ANKRD33B: variants seen among roughly 807,000 people sequenced by gnomAD.
ANKRD33B encodes the protein ankyrin repeat domain-containing protein 33B.
Under a neutral mutation model 21.5 loss-of-function variants are expected in ANKRD33B, and 6 were observed. That is an observed-to-expected ratio of 0.28 (90% CI 0.15 to 0.55). ANKRD33B has a LOEUF of 0.55. ANKRD33B is among the 20% of genes least tolerant of loss of function. The probability of loss-of-function intolerance (pLI) is 0.94; values close to 1 mark genes in which losing one functional copy is unlikely to be tolerated. For synonymous variants in ANKRD33B, 347 were observed against 342.4 expected, an observed-to-expected ratio of 1.01 and a Z score of -0.15; for missense variants, 698 against 747.2, an observed-to-expected ratio of 0.93 and a Z score of 0.77.
intron 3 of ANKRD33B, among the ~76,000 whole-genome samples, chr5:10,643,538 G>A (rs1459241089): frequency 1.4e-4 from 22 of 152,202 alleles, no homozygotes; most frequent in Admixed American, 1.2e-3. Context: ...CATCTTGGCC[G>A]GGCATGGTGG....
rs1404783134 is a variant in ANKRD33B at position 10,564,699 on chromosome 5, GGCGTCCCGGAAA to G, written c.243_254del (p.Ser82_Glu85del). The G allele has an allele frequency of 2.0e-6, 3 of 1,533,598 alleles. No homozygotes were observed. Among genetic ancestry groups the G allele is most frequent in the East Asian group, 2.4e-5 (1 of 40,850 alleles). The allele number at this position is 1,533,598 out of a possible 1,614,324, so 95.0% of individuals were successfully genotyped here. A position where few individuals can be genotyped will look rare whatever the true frequency, so the allele number is the denominator to read the frequency against. The stretch of plus-strand genomic sequence containing the variant: ...CGAGAGCGCGGAGAGCGTCCCGGAG[GGCGTCCCGGAAA>G]GCGTCCCGGAGACGGCGACCCTCCT... On this transcript the variant is annotated inframe_deletion, in exon 1 of 4. Coordinates refer to ENST00000296657, the MANE Select transcript of ANKRD33B (RefSeq NM_001164440.2).
At chr5:10,597,914 G>GT (rs548506427) in intron 1 of ANKRD33B, among the ~76,000 whole-genome samples, 8 of 152,122 alleles carry the variant, frequency 5.3e-5, no homozygotes, top group African/African-American at 7.2e-5. Context: ...ACATACATGT[G>GT]TTTTTTTCTT....
intron 1 of ANKRD33B, among the ~76,000 whole-genome samples, chr5:10,592,768 G>T (rs1183934325): frequency 1.3e-5 from 2 of 152,124 alleles, no homozygotes; most frequent in Non-Finnish European, 2.9e-5. Context: ...TCATCTGGCA[G>T]TCCCCTCCCT....
chr5:10,573,257 A>C (rs1579709424), intron 1 of ANKRD33B, among the ~76,000 whole-genome samples: 1 of 152,112 alleles, frequency 6.6e-6, no homozygotes, highest in Non-Finnish European at 1.5e-5. Flanking sequence ...TAACGAGGTC[A>C]GGAAATGGAG....
At position 10,581,430 on chromosome 5, in the gene ANKRD33B, G is replaced by A. The variant is rs78051169; in HGVS notation, c.366+16597G>A. On this transcript the variant is annotated intron_variant, in intron 1 of 3. Transcript: ENST00000296657. ...CCGTGGCTCCTAGGAACTGCTCTGCGTCTGGGATCCTCTACCCTGGATCCG... is the reference window on the plus strand; with the variant it reads ...CCGTGGCTCCTAGGAACTGCTCTGCATCTGGGATCCTCTACCCTGGATCCG... Among the ~76,000 whole-genome samples, 1,172 of 152,328 alleles carry A rather than the reference G, an allele frequency of 7.7e-3. 11 individuals carry two copies. Among genetic ancestry groups the A allele is most frequent in the Non-Finnish European group, 0.013 (867 of 68,026 alleles).
chr5:10,584,726 G>C (rs367896926), intron 1 of ANKRD33B, among the ~76,000 whole-genome samples: 1 of 152,204 alleles, frequency 6.6e-6, no homozygotes, highest in South Asian at 2.1e-4. Context: ...CAGAAATGGA[G>C]ATTGCTGCTG....
intron 1 of ANKRD33B, among the ~76,000 whole-genome samples, chr5:10,570,609 G>C (rs1024783557): frequency 6.6e-6 from 1 of 152,088 alleles, no homozygotes; most frequent in Admixed American, 6.6e-5. Flanking sequence ...CCAGGCTGGA[G>C]TACAGTGGCA....
intron 2 of ANKRD33B, among the ~76,000 whole-genome samples, chr5:10,623,101 G>GC (rs1488476907): frequency 1.3e-5 from 2 of 152,136 alleles, no homozygotes; most frequent in Non-Finnish European, 2.9e-5. Context: ...CCAAGGAGCA[G>GC]CCCCCACCCT....
At chr5:10,615,749 T>G (rs1736269903) in intron 1 of ANKRD33B, among the ~76,000 whole-genome samples, 1 of 152,258 alleles carries the variant, frequency 6.6e-6, no homozygotes, top group Non-Finnish European at 1.5e-5. Flanking sequence ...TATGTTTTAT[T>G]TATAAGTCAG....
chr5:10,565,500 G>A (rs999487438), intron 1 of ANKRD33B, among the ~76,000 whole-genome samples: 18 of 152,370 alleles, frequency 1.2e-4, no homozygotes, highest in Admixed American at 7.8e-4. Flanking sequence ...GCCAGCCGGG[G>A]CTCCCCAGAG....
chr5:10,650,414 C>G lies in ANKRD33B; in HGVS notation c.*301C>G, dbSNP rs1737323188. 4.6e-6 allele frequency: 1 copy of G among 219,466 alleles called. No homozygotes were observed. The highest frequency in any genetic ancestry group is 2.3e-5 in the African/African-American group (1 of 43,660). 13.6% of individuals were successfully genotyped at this position (219,466 alleles called of 1,614,324 possible). A position where few individuals can be genotyped will look rare whatever the true frequency, so the allele number is the denominator to read the frequency against. On this transcript the variant is annotated 3_prime_UTR_variant, in exon 4 of 4. Transcript: ENST00000296657. Reference sequence around the variant, plus strand: ...TTTTAAAGATCAATTTATCAAAGGGCGTTTTCTCCGTAATTTTGTATTTTT... The same window carrying G: ...TTTTAAAGATCAATTTATCAAAGGGGGTTTTCTCCGTAATTTTGTATTTTT...
At chr5:10,587,633 C>T (rs1735595575) in intron 1 of ANKRD33B, among the ~76,000 whole-genome samples, 1 of 149,926 alleles carries the variant, frequency 6.7e-6, no homozygotes, top group Admixed American at 6.6e-5. Flanking sequence ...ATTCCCAGTA[C>T]CTGGAGCTAA....
intron 1 of ANKRD33B, among the ~76,000 whole-genome samples, chr5:10,597,784 A>G (rs1457846025): frequency 2.0e-5 from 3 of 152,200 alleles, no homozygotes; most frequent in South Asian, 2.1e-4. Flanking sequence ...ACATAATCAG[A>G]AGTAAAACAC....
intron 1 of ANKRD33B, among the ~76,000 whole-genome samples, chr5:10,597,838 C>T (rs186660854): frequency 1.6e-4 from 25 of 152,352 alleles, no homozygotes; most frequent in African/African-American, 5.8e-4. Flanking sequence ...CAAACAGTCT[C>T]TCAGACCACA....
At chr5:10,601,991 C>T (rs1215566926) in intron 1 of ANKRD33B, among the ~76,000 whole-genome samples, 1 of 152,190 alleles carries the variant, frequency 6.6e-6, no homozygotes, top group Non-Finnish European at 1.5e-5. Context: ...GCATCCAGGC[C>T]AGGACTAGGT....
At chr5:10,628,724 C>A (rs539073059) in intron 2 of ANKRD33B, among the ~76,000 whole-genome samples, 1 of 152,246 alleles carries the variant, frequency 6.6e-6, no homozygotes, top group East Asian at 1.9e-4. Context: ...TTATTGAGCA[C>A]CCCAGAGCAT....
chr5:10,598,607 A>T (rs191800724), intron 1 of ANKRD33B, among the ~76,000 whole-genome samples: 183 of 152,156 alleles, frequency 1.2e-3, no homozygotes, highest in East Asian at 7.9e-3. Flanking sequence ...AATTAAAAAA[A>T]TTTTTTTTAA....
At chr5:10,591,155 G>A (rs541963009) in intron 1 of ANKRD33B, among the ~76,000 whole-genome samples, 5 of 148,546 alleles carry the variant, frequency 3.4e-5, no homozygotes, top group Admixed American at 1.3e-4. Flanking sequence ...CTGTTTCTAA[G>A]CCAGGTTTAT....
In ANKRD33B at chr5:10,650,097, GGAA is replaced by G; in HGVS notation, c.1475_1477del (p.Lys492del). The G allele has an allele frequency of 1.3e-6, 2 of 1,524,418 alleles. No homozygotes were observed. Among genetic ancestry groups the G allele is most frequent in the Non-Finnish European group, 1.8e-6 (2 of 1,140,290 alleles). 94.4% of individuals were successfully genotyped at this position (1,524,418 alleles called of 1,614,324 possible). A position where few individuals can be genotyped will look rare whatever the true frequency, so the allele number is the denominator to read the frequency against. On this transcript the variant is annotated inframe_deletion, in exon 4 of 4. Coordinates refer to ENST00000296657, the MANE Select transcript of ANKRD33B (RefSeq NM_001164440.2). ...CAGAAGGAGAGGCGCACTGCGCCCT[GGAA>G]GAAGAGGACGTGAGGGCCCGTGTGC...
Sources: allele counts gnomAD v4.1 joint callset (sites outside exome capture counted in the v4.1 genomes callset), GRCh38; gene constraint gnomAD v4.1.1; transcripts MANE v1.5; gene names NCBI Gene and HGNC (gene_info 2026-07-23, HGNC 2026-07-21).